The following ERBB4 variants were observed in gnomAD, a reference collection of about 807,000 sequenced individuals.
ERBB4 encodes receptor tyrosine-protein kinase erbB-4.
ERBB4 carries 42 observed loss-of-function variants against 158.0 expected under a neutral mutation model. The observed-to-expected ratio is 0.27, with a 90% CI of 0.21 to 0.34. ERBB4 has a LOEUF of 0.34. Ranked by LOEUF, ERBB4 falls within the 10% of genes least tolerant of loss-of-function variation. The pLI is 1.00. For synonymous variants in ERBB4, 583 were observed against 558.7 expected (o/e 1.04, Z -0.61); for missense variants, 1,333 against 1,624.1 (o/e 0.82, Z 3.08).
chr2:212,107,436 A>C (rs2079264772), intron 2 of ERBB4, among the ~76,000 whole-genome samples: 1 of 152,166 alleles, frequency 6.6e-6, no homozygotes, highest in Admixed American at 6.5e-5. Context: ...TATTTATCCA[A>C]TGCCTGTATC....
At chr2:211,738,365 T>TC (rs71054138) in intron 5 of ERBB4, among the ~76,000 whole-genome samples, 1 of 23,954 alleles carries the variant, frequency 4.2e-5, no homozygotes, top group Admixed American at 3.7e-4. Flanking sequence ...GTTTTTGTTT[T>TC]TTTTTTTTTT....
intron 1 of ERBB4, among the ~76,000 whole-genome samples, chr2:212,218,163 A>G (rs1269882675): frequency 1.3e-5 from 2 of 151,274 alleles, no homozygotes; most frequent in African/African-American, 4.8e-5. Context: ...TTGGCATAAA[A>G]CCTTTTTTAT....
intron 1 of ERBB4, among the ~76,000 whole-genome samples, chr2:212,274,876 A>G (rs950139072): frequency 6.6e-6 from 1 of 151,724 alleles, no homozygotes; most frequent in African/African-American, 2.4e-5. Flanking sequence ...GCACCCATCA[A>G]CCCGTCATCT....
intron 19 of ERBB4, among the ~76,000 whole-genome samples, chr2:211,600,510 T>C (rs2125812334): frequency 6.6e-6 from 1 of 152,226 alleles, no homozygotes; most frequent in East Asian, 1.9e-4. Flanking sequence ...CTAAGAAATT[T>C]AGTAGCGCAG....
chr2:212,384,696 A>G (rs2090615687), intron 1 of ERBB4, among the ~76,000 whole-genome samples: 1 of 151,590 alleles, frequency 6.6e-6, no homozygotes, highest in East Asian at 1.9e-4. Flanking sequence ...TGCTAGTGTA[A>G]TGACATAATT....
chr2:211,989,837 T>C (rs1430924829), intron 2 of ERBB4, among the ~76,000 whole-genome samples: 5 of 152,038 alleles, frequency 3.3e-5, no homozygotes, highest in African/African-American at 1.2e-4. Flanking sequence ...ACTCCACCCA[T>C]GTCTTACTTG....
chr2:212,167,180 T>C (rs2081370880), intron 1 of ERBB4, among the ~76,000 whole-genome samples: 1 of 152,092 alleles, frequency 6.6e-6, no homozygotes, highest in Non-Finnish European at 1.5e-5. Flanking sequence ...AGAAAATTTG[T>C]ACCATCTACC....
chr2:211,377,385 A>T lies in ERBB4; in HGVS notation c.*6230T>A, dbSNP rs1008008165. On this transcript the variant is annotated 3_prime_UTR_variant, in exon 28 of 28. Coordinates refer to ENST00000342788, the MANE Select transcript of ERBB4 (RefSeq NM_005235.3). ...TACAGGTATGAATCTTTGTTTTCCT[A>T]TATTTGTATATTTGCACAAATATAA... 4.3e-6 allele frequency: 1 copy of T among 232,716 alleles called. No homozygotes were observed. Among genetic ancestry groups the T allele is most frequent in the Non-Finnish European group, 8.5e-6 (1 of 117,504 alleles). The allele number at this position is 232,716 out of a possible 1,614,324, so 14.4% of individuals were successfully genotyped here.
rs184862820 is a variant in ERBB4, at chr2:211,845,915, A to G, written c.422-57756T>C. ...TGAGTGACACTTAGGATTTGAGAGC[A>G]TGCAAATTATTTCTTAATCTTTATG... On this transcript the variant is annotated intron_variant, in intron 3 of 27. Coordinates refer to ENST00000342788, the MANE Select transcript of ERBB4 (RefSeq NM_005235.3). 8.5e-5 allele frequency among the ~76,000 whole-genome samples: 13 copies of G among 152,280 alleles called. 1 individual carries two copies. Among genetic ancestry groups the G allele is most frequent in the Admixed American group, 2.6e-4 (4 of 15,278 alleles).
intron 1 of ERBB4, among the ~76,000 whole-genome samples, chr2:212,355,476 A>G (rs1306068300): frequency 6.6e-6 from 1 of 152,044 alleles, no homozygotes; most frequent in East Asian, 1.9e-4. Flanking sequence ...GTTGAGTGGC[A>G]CTTGGCCCAG....
At chr2:211,789,309 G>A (rs1338170009) in intron 3 of ERBB4, among the ~76,000 whole-genome samples, 2 of 152,176 alleles carry the variant, frequency 1.3e-5, no homozygotes, top group East Asian at 3.9e-4. Flanking sequence ...GAAACCTATA[G>A]GAGGCAGTTG....
chr2:211,810,382 G>C (rs1431746751), intron 3 of ERBB4, among the ~76,000 whole-genome samples: 2 of 152,098 alleles, frequency 1.3e-5, no homozygotes, highest in Admixed American at 1.3e-4. Flanking sequence ...TCCTGTATTG[G>C]GTGCATATAT....
At chr2:211,450,229 T>C (rs566562308) in intron 20 of ERBB4, among the ~76,000 whole-genome samples, 2 of 151,978 alleles carry the variant, frequency 1.3e-5, no homozygotes, top group East Asian at 3.9e-4. Context: ...ACAGAGAACT[T>C]GATGTGGGGT....
At position 212,098,324 on chromosome 2, in the gene ERBB4, GA is replaced by G. The variant is rs200278413; in HGVS notation, c.234+26427del. On this transcript the variant is annotated intron_variant, in intron 2 of 27. Transcript: ENST00000342788. Reference sequence around the variant, plus strand: ...GGGAGACTTTTCTTCCAGGCTATGAGAAGAAAGGTTTTAGACAAAGATAATC... The same window carrying G: ...GGGAGACTTTTCTTCCAGGCTATGAGAGAAAGGTTTTAGACAAAGATAATC... Among the ~76,000 whole-genome samples the G allele has an allele frequency of 7.2e-3, 1,092 of 152,278 alleles. 6 individuals carry two copies. Among genetic ancestry groups the G allele is most frequent in the Middle Eastern group, 0.027 (8 of 294 alleles).
At chr2:212,119,417 C>T (rs959030645) in intron 2 of ERBB4, among the ~76,000 whole-genome samples, 2 of 152,068 alleles carry the variant, frequency 1.3e-5, no homozygotes, top group African/African-American at 4.8e-5. Flanking sequence ...CCAGCAGTAG[C>T]AAAGAAGACC....
rs1818750 is a variant in ERBB4, at chr2:211,670,634, T to A, written c.1716+2530A>T. Among the ~76,000 whole-genome samples, 15 of 152,274 alleles carry A rather than the reference T, an allele frequency of 9.9e-5. No homozygotes were observed. In the East Asian group the frequency reaches 2.3e-3, roughly 24 times the overall value. ...AAAATTGTGATTCCAAAGGTCTCAA[T>A]ACTACAGAACAATTCATTTAAGTAC... On this transcript the variant is annotated intron_variant, in intron 14 of 27. Coordinates refer to ENST00000342788, the MANE Select transcript of ERBB4 (RefSeq NM_005235.3).
In ERBB4 at chr2:212,270,127, A is replaced by T. The variant is rs192285284; in HGVS notation, c.83-145224T>A. Among the ~76,000 whole-genome samples, 68 of 151,970 alleles carry T rather than the reference A, an allele frequency of 4.5e-4. 1 individual carries two copies. Among genetic ancestry groups the T allele is most frequent in the African/African-American group, 1.5e-3 (64 of 41,532 alleles). On this transcript the variant is annotated intron_variant, in intron 1 of 27. Transcript: ENST00000342788. Reference sequence around the variant, plus strand: ...AAACAGAATTTTTATAATCTGTGTCAGAACTGTCATTAATAATATGCAATA... The same window carrying T: ...AAACAGAATTTTTATAATCTGTGTCTGAACTGTCATTAATAATATGCAATA...
rs2062721597 is a variant in ERBB4, at chr2:211,387,956, G to A, written c.3172C>T (p.Pro1058Ser). 1.9e-6 allele frequency: 3 copies of A among 1,608,900 alleles called. No individual in the cohort carries two copies. Among genetic ancestry groups the A allele is most frequent in the East Asian group, 2.2e-5 (1 of 44,838 alleles). ...TGTGAAATACTTACTCCTGACATGG[G>A]GGTGTAGGCAGGAGGAGGGCTGTGT... Reference protein sequence around the residue: ...IGHSPPPAYTPMSGNQFVYRD... With the variant: ...IGHSPPPAYTSMSGNQFVYRD... The change falls in exon 26 of 28, where the codon CCC (proline) becomes TCC (serine). Residue 1058 changes from proline (P) to serine (S), a missense_variant. Pro to Ser is a moderately conservative substitution (Grantham distance 74). Coordinates refer to ENST00000342788, the MANE Select transcript of ERBB4 (RefSeq NM_005235.3).
intron 19 of ERBB4, among the ~76,000 whole-genome samples, chr2:211,568,043 G>A (rs534583792): frequency 7.9e-5 from 12 of 152,064 alleles, no homozygotes; most frequent in African/African-American, 9.6e-5. Flanking sequence ...AGAAAATGTC[G>A]CTGAAGACCA....
Sources: gnomAD v4.1 joint callset for allele counts (sites outside exome capture counted in the v4.1 genomes callset) on GRCh38, gnomAD v4.1.1 for gene constraint, MANE v1.5 for transcripts, NCBI Gene and HGNC (gene_info 2026-07-23, HGNC 2026-07-21) for gene names.